Variants in NCK2 observed in about 807,000 individuals in gnomAD.
The protein encoded by NCK2 is cytoplasmic protein NCK2.
NCK2 carries 16 observed loss-of-function variants against 33.9 expected under a neutral mutation model. That is an observed-to-expected ratio of 0.47 (90% CI 0.32 to 0.72). The LOEUF is 0.72. NCK2 is among the 30% of genes least tolerant of loss of function. The pLI is 0.03. For synonymous variants in NCK2, 273 were observed against 239.9 expected (o/e 1.14, Z -1.27); for missense variants, 418 against 537.3 (o/e 0.78, Z 2.19).
rs1202826426 is a variant in NCK2 at position 105,835,421 on chromosome 2, A to ATT, written c.-17+18809_-17+18810insTT. Among the ~76,000 whole-genome samples, 5 of 74,348 alleles carry ATT rather than the reference A, an allele frequency of 6.7e-5. No individual in the cohort carries two copies. In the South Asian group the frequency reaches 1.7e-3, roughly 25 times the overall value. 48.8% of individuals were successfully genotyped at this position (74,348 alleles called of 152,430 possible). A position where few individuals can be genotyped will look rare whatever the true frequency, so the allele number is the denominator to read the frequency against. On this transcript the variant is annotated intron_variant, in intron 2 of 4. Transcript: ENST00000233154. Reference sequence around the variant, plus strand: ...TATATATATACGTGTATATATATATATATTTTTTTTTTGGTCAGCATTTTG... The same window carrying ATT: ...TATATATATACGTGTATATATATATATTTATTTTTTTTTTGGTCAGCATTTTG...
At chr2:105,807,049 G>A (rs971974921) in intron 1 of NCK2, among the ~76,000 whole-genome samples, 9 of 152,148 alleles carry the variant, frequency 5.9e-5, no homozygotes, top group African/African-American at 2.2e-4. Flanking sequence ...CAAATGACCC[G>A]TGATGTAATG....
chr2:105,822,725 T>C (rs1465639), intron 2 of NCK2, among the ~76,000 whole-genome samples: 49,270 of 151,880 alleles, frequency 0.32, 8,685 homozygotes, highest in South Asian at 0.4. Context: ...AGAAACTGAA[T>C]ACATAACATT....
At chr2:105,778,032 CCTT>C (rs1447859720) in intron 1 of NCK2, among the ~76,000 whole-genome samples, 3 of 152,202 alleles carry the variant, frequency 2.0e-5, no homozygotes, top group Non-Finnish European at 2.9e-5. Context: ...TTTCTCCTCA[CCTT>C]CTTCAGCTGT....
intron 1 of NCK2, among the ~76,000 whole-genome samples, chr2:105,765,124 AG>A (rs1280534930): frequency 6.6e-6 from 1 of 152,104 alleles, no homozygotes; most frequent in East Asian, 1.9e-4. Context: ...GCCCTTACAA[AG>A]GGTTATGCCA....
intron 1 of NCK2, among the ~76,000 whole-genome samples, chr2:105,756,341 CT>C (rs1012874994): frequency 1.1e-5 from 1 of 89,224 alleles, no homozygotes; most frequent in African/African-American, 6.0e-5. Flanking sequence ...TACAATCAAT[CT>C]TTCCCTTTCT....
At chr2:105,776,275 C>T (rs554676829) in intron 1 of NCK2, among the ~76,000 whole-genome samples, 4 of 152,270 alleles carry the variant, frequency 2.6e-5, no homozygotes, top group African/African-American at 7.2e-5. Flanking sequence ...CTGTAACACT[C>T]AGTTTCTTAC....
intron 4 of NCK2, among the ~76,000 whole-genome samples, chr2:105,892,195 AG>A (rs1453035260): frequency 6.6e-6 from 1 of 152,114 alleles, no homozygotes; most frequent in East Asian, 1.9e-4. Flanking sequence ...AAAAAAAAAA[AG>A]AATTAGAAAA....
rs59005322 is a variant in NCK2, at chr2:105,880,936, A to ATTTTTTTTTTTTTTTT, written c.227-375_227-360dup. ...CACAGATGTGCACCACAGGTGGCTA[A>ATTTTTTTTTTTTTTTT]TTTTTTTTTTTTTTTTTTTTTTTTT... On this transcript the variant is annotated intron_variant, in intron 3 of 4. Coordinates refer to ENST00000233154, the MANE Select transcript of NCK2 (RefSeq NM_003581.5). Among the ~76,000 whole-genome samples the ATTTTTTTTTTTTTTTT allele has an allele frequency of 2.9e-5, 3 of 103,542 alleles. 1 individual carries two copies. The highest frequency in any genetic ancestry group is 5.8e-5 in the Non-Finnish European group (3 of 51,862). The allele number at this position is 103,542 out of a possible 152,430, so 67.9% of individuals were successfully genotyped here. A position where few individuals can be genotyped will look rare whatever the true frequency, so the allele number is the denominator to read the frequency against.
At chr2:105,774,326 CAG>C (rs1690235948) in intron 1 of NCK2, among the ~76,000 whole-genome samples, 1 of 152,082 alleles carries the variant, frequency 6.6e-6, no homozygotes, top group Admixed American at 6.6e-5. Context: ...ATCTTAGTAA[CAG>C]ATGTTTTAGG....
intron 1 of NCK2, among the ~76,000 whole-genome samples, chr2:105,784,232 A>C (rs1034381056): frequency 6.6e-6 from 1 of 152,136 alleles, no homozygotes; most frequent in African/African-American, 2.4e-5. Flanking sequence ...GCCTCCCAAA[A>C]TGCTGGGACT....
chr2:105,794,956 C>T (rs1273252695), intron 1 of NCK2, among the ~76,000 whole-genome samples: 1 of 152,092 alleles, frequency 6.6e-6, no homozygotes, highest in African/African-American at 2.4e-5. Flanking sequence ...TTTTCCATCA[C>T]CATTTTTTAA....
chr2:105,849,616 TA>T (rs1676985251), intron 2 of NCK2, among the ~76,000 whole-genome samples: 1 of 152,170 alleles, frequency 6.6e-6, no homozygotes, highest in Non-Finnish European at 1.5e-5. Context: ...TCTCTGGTGC[TA>T]AATGCTCTAA....
At chr2:105,820,177 T>A (rs1336316121) in intron 2 of NCK2, among the ~76,000 whole-genome samples, 1 of 152,232 alleles carries the variant, frequency 6.6e-6, no homozygotes, top group Non-Finnish European at 1.5e-5. Flanking sequence ...GCAGGCTGAT[T>A]GGACCAGCTG....
chr2:105,832,198 A>G (rs2104525103), intron 2 of NCK2, among the ~76,000 whole-genome samples: 1 of 152,256 alleles, frequency 6.6e-6, no homozygotes, highest in South Asian at 2.1e-4. Flanking sequence ...TATAGAAGAA[A>G]CACTACTGAT....
intron 3 of NCK2, among the ~76,000 whole-genome samples, chr2:105,861,128 G>A (rs1286996315): frequency 1.3e-5 from 2 of 152,152 alleles, no homozygotes; most frequent in Non-Finnish European, 2.9e-5. Flanking sequence ...ATATAGATAT[G>A]CCTTTACTAG....
intron 3 of NCK2, among the ~76,000 whole-genome samples, chr2:105,880,422 A>G (rs1056084294): frequency 2.6e-5 from 4 of 152,110 alleles, no homozygotes; most frequent in African/African-American, 9.7e-5. Flanking sequence ...GAAAGAAGAG[A>G]AGGATTGTAA....
intron 1 of NCK2, among the ~76,000 whole-genome samples, chr2:105,756,369 A>G (rs185876378): frequency 6.6e-6 from 1 of 152,310 alleles, no homozygotes; most frequent in Admixed American, 6.5e-5. Flanking sequence ...ATCCTATCTC[A>G]TATGGACTGA....
chr2:105,756,047 G>C (rs571731248), intron 1 of NCK2, among the ~76,000 whole-genome samples: 1 of 152,332 alleles, frequency 6.6e-6, no homozygotes, highest in South Asian at 2.1e-4. Flanking sequence ...AAAGCTGCCT[G>C]TTACCTGGCC....
intron 4 of NCK2, among the ~76,000 whole-genome samples, chr2:105,891,106 C>G (rs543797429): frequency 1.1e-4 from 17 of 152,340 alleles, no homozygotes; most frequent in African/African-American, 4.1e-4. Flanking sequence ...GCTCTCCTGC[C>G]CCCACACGCA....
Sources: allele counts gnomAD v4.1 joint callset (sites outside exome capture counted in the v4.1 genomes callset), GRCh38; gene constraint gnomAD v4.1.1; transcripts MANE v1.5; gene names NCBI Gene and HGNC (gene_info 2026-07-23, HGNC 2026-07-21).